The following BLTP3A variants were observed in gnomAD, a reference collection of about 807,000 sequenced individuals.
The protein encoded by BLTP3A is bridge-like lipid transfer protein family member 3A.
chr6:34,820,616 T>C, the BLTP3A span, among the ~76,000 whole-genome samples: 1 of 150,958 alleles, frequency 6.6e-6, no homozygotes. Context: ...AGATACTTCA[T>C]ATTCTATTTT....
chr6:34,870,854 G>A, the BLTP3A span: 1 of 1,613,940 alleles, frequency 6.2e-7, no homozygotes, highest in South Asian at 1.1e-5. Context: ...CTTCACAAAG[G>A]TACATGCTTT....
the BLTP3A span, among the ~76,000 whole-genome samples, chr6:34,807,283 C>T: frequency 3.4e-5 from 5 of 148,066 alleles, no homozygotes; most frequent in East Asian, 1.0e-3. Flanking sequence ...GAATTTGGGC[C>T]CTAACCACCG....
At chr6:34,833,671 G>A in the BLTP3A span, among the ~76,000 whole-genome samples, 20 of 152,128 alleles carry the variant, frequency 1.3e-4, no homozygotes, top group Middle Eastern at 3.4e-3. Context: ...GCTCACGCCT[G>A]TAATCCTAGC....
At chr6:34,833,105 C>T in the BLTP3A span, among the ~76,000 whole-genome samples, 2 of 152,116 alleles carry the variant, frequency 1.3e-5, no homozygotes, top group African/African-American at 4.8e-5. Context: ...CCTTGAATAG[C>T]ACAAGTTTGA....
chr6:34,853,962 G>A, the BLTP3A span, among the ~76,000 whole-genome samples: 1 of 151,888 alleles, frequency 6.6e-6, no homozygotes, highest in Admixed American at 6.6e-5. Context: ...TATCCCTGCA[G>A]TTTGTAATCC....
At chr6:34,862,560 C>T in the BLTP3A span, among the ~76,000 whole-genome samples, 7 of 149,626 alleles carry the variant, frequency 4.7e-5, no homozygotes, top group East Asian at 4.1e-4. Context: ...AGTGGCTGGG[C>T]GCGGTGGCTC....
At chr6:34,815,162 T>TTA in the BLTP3A span, among the ~76,000 whole-genome samples, 1 of 152,224 alleles carries the variant, frequency 6.6e-6, no homozygotes, top group Non-Finnish European at 1.5e-5. Flanking sequence ...TAAAATGTCA[T>TTA]TATTATTTGT....
chr6:34,850,839 G>A, the BLTP3A span, among the ~76,000 whole-genome samples: 21 of 152,034 alleles, frequency 1.4e-4, no homozygotes, highest in Non-Finnish European at 1.3e-4. Flanking sequence ...TAGGACTACA[G>A]GCATGCACCA....
the BLTP3A span, among the ~76,000 whole-genome samples, chr6:34,799,740 C>T: frequency 3.9e-5 from 6 of 152,266 alleles, no homozygotes; most frequent in South Asian, 1.2e-3. Flanking sequence ...TCAATTTCTT[C>T]ATCTGTAAAA....
At chr6:34,867,339 G>A in the BLTP3A span, 2 of 1,614,188 alleles carry the variant, frequency 1.2e-6, no homozygotes, top group Non-Finnish European at 1.7e-6. Context: ...GCAGCCAACA[G>A]TTCAGTTTCA....
the BLTP3A span, chr6:34,792,365 C>A: frequency 7.2e-7 from 1 of 1,397,776 alleles, no homozygotes; most frequent in South Asian, 1.4e-5. Context: ...CTCCCTGACG[C>A]CGCGCTCCGG....
chr6:34,829,316 A>G, the BLTP3A span, among the ~76,000 whole-genome samples: 1 of 152,148 alleles, frequency 6.6e-6, no homozygotes, highest in Non-Finnish European at 1.5e-5. Flanking sequence ...TCTATTCTGA[A>G]CATTTATATA....
the BLTP3A span, chr6:34,858,496 C>T: frequency 6.2e-7 from 1 of 1,614,146 alleles, no homozygotes. Context: ...CTTCAAAGGC[C>T]ATACCTTGAA....
the BLTP3A span, among the ~76,000 whole-genome samples, chr6:34,868,768 A>G: frequency 4.0e-5 from 6 of 149,912 alleles, no homozygotes; most frequent in African/African-American, 1.2e-4. Context: ...GTGCGTGCCT[A>G]TAGTTCTAGC....
chr6:34,851,496 T>C, the BLTP3A span, among the ~76,000 whole-genome samples: 1 of 152,164 alleles, frequency 6.6e-6, no homozygotes, highest in East Asian at 1.9e-4. Flanking sequence ...TGTCTCTCCA[T>C]GCTAAGCTGC....
chr6:34,851,282 G>T, the BLTP3A span, among the ~76,000 whole-genome samples: 2 of 152,102 alleles, frequency 1.3e-5, no homozygotes, highest in African/African-American at 4.8e-5. Flanking sequence ...ACCCGTTCTT[G>T]TGAAGGCTTC....
At chr6:34,796,690 G>A in the BLTP3A span, among the ~76,000 whole-genome samples, 1 of 152,252 alleles carries the variant, frequency 6.6e-6, no homozygotes, top group African/African-American at 2.4e-5. Flanking sequence ...GAAGGAGCAT[G>A]GGCTCTGGAG....
At chr6:34,814,980 AC>A in the BLTP3A span, among the ~76,000 whole-genome samples, 1 of 152,296 alleles carries the variant, frequency 6.6e-6, no homozygotes, top group East Asian at 1.9e-4. Flanking sequence ...CAGTGAGCAC[AC>A]CTGGGTTCAT....
chr6:34,858,398 C>T, the BLTP3A span: 2 of 1,614,058 alleles, frequency 1.2e-6, no homozygotes, highest in Non-Finnish European at 8.5e-7. Context: ...CAGCCTAATA[C>T]CCTCCCTCCC....
Sources: gnomAD v4.1 joint callset for allele counts (sites outside exome capture counted in the v4.1 genomes callset) on GRCh38, gnomAD v4.1.1 for gene constraint, MANE v1.5 for transcripts, NCBI Gene and HGNC (gene_info 2026-07-23, HGNC 2026-07-21) for gene names.